Variants in SLC25A21 observed in about 807,000 individuals in gnomAD.
SLC25A21 encodes mitochondrial 2-oxodicarboxylate carrier.
In SLC25A21, 47 loss-of-function variants were observed where a neutral mutation model predicts 43.8. That is an observed-to-expected ratio of 1.07 (90% CI 0.85 to 1.37). The LOEUF (loss-of-function observed/expected upper bound fraction) is 1.37. Among genes scored for constraint, SLC25A21 ranks in the 40% most tolerant of loss-of-function variants. SLC25A21 has a pLI of 0.00. For missense variants in SLC25A21, 352 were observed against 350.2 expected, an observed-to-expected ratio of 1.00 and a Z score of -0.04; for synonymous variants, 131 against 121.3, an observed-to-expected ratio of 1.08 and a Z score of -0.52.
chr14:37,109,213 T>G (rs1273506796), intron 1 of SLC25A21, among the ~76,000 whole-genome samples: 1 of 152,108 alleles, frequency 6.6e-6, no homozygotes, highest in African/African-American at 2.4e-5. Flanking sequence ...GCTTAATAAA[T>G]GCATCAGACT....
chr14:37,134,603 C>G (rs1384923770), intron 1 of SLC25A21, among the ~76,000 whole-genome samples: 1 of 149,616 alleles, frequency 6.7e-6, no homozygotes, highest in African/African-American at 2.5e-5. Flanking sequence ...CATGCTCACT[C>G]CACTGCACTC....
intron 2 of SLC25A21, among the ~76,000 whole-genome samples, chr14:36,860,341 C>A (rs894857304): frequency 6.6e-6 from 1 of 152,148 alleles, no homozygotes; most frequent in Non-Finnish European, 1.5e-5. Context: ...GAAAACACTG[C>A]CTTGGAAACA....
rs1336568362 is a variant in SLC25A21 at position 37,172,423 on chromosome 14, T to C, written c.-73A>G. 2 of 1,468,056 alleles carry C rather than the reference T, an allele frequency of 1.4e-6. No individual in the cohort carries two copies. The highest frequency in any genetic ancestry group is 1.2e-5 in the South Asian group (1 of 82,506). 90.9% of individuals were successfully genotyped at this position (1,468,056 alleles called of 1,614,324 possible). A position where few individuals can be genotyped will look rare whatever the true frequency, so the allele number is the denominator to read the frequency against. The stretch of plus-strand genomic sequence containing the variant: ...GCTCGCAGCCTGCACAGCCTACTGA[T>C]CCAGAGAGCCCCGGCTGGGCTGGTC... On this transcript the variant is annotated 5_prime_UTR_variant, in exon 1 of 10. Coordinates refer to ENST00000331299, the MANE Select transcript of SLC25A21 (RefSeq NM_030631.4).
chr14:37,012,042 G>A (rs1394732747), intron 1 of SLC25A21, among the ~76,000 whole-genome samples: 1 of 152,158 alleles, frequency 6.6e-6, no homozygotes, highest in Non-Finnish European at 1.5e-5. Flanking sequence ...ACCCTGAAAA[G>A]TTCTGTAGGA....
At chr14:36,916,768 G>A (rs1891844381) in intron 1 of SLC25A21, among the ~76,000 whole-genome samples, 1 of 152,004 alleles carries the variant, frequency 6.6e-6, no homozygotes. Context: ...CTACGGCCTA[G>A]ACCCAGCTTT....
intron 3 of SLC25A21, among the ~76,000 whole-genome samples, chr14:36,811,785 C>G (rs1421005243): frequency 2.0e-5 from 3 of 152,142 alleles, no homozygotes; most frequent in African/African-American, 7.2e-5. Flanking sequence ...TTTCTATATA[C>G]CACACTGCAC....
intron 3 of SLC25A21, among the ~76,000 whole-genome samples, chr14:36,750,532 A>G (rs930008871): frequency 1.3e-5 from 2 of 152,202 alleles, no homozygotes; most frequent in Admixed American, 1.3e-4. Flanking sequence ...TGTATGAGAC[A>G]TGAGCAGATG....
Position 36,711,312 on chromosome 14 carries a change from A to G in SLC25A21, c.603+6T>C. 1 of 1,612,410 alleles carries G rather than the reference A, an allele frequency of 6.2e-7. No homozygotes were observed. Among genetic ancestry groups the G allele is most frequent in the Non-Finnish European group, 8.5e-7 (1 of 1,179,168 alleles). On this transcript the variant is annotated splice_donor_region_variant and intron_variant, in intron 7 of 9. Coordinates refer to ENST00000331299, the MANE Select transcript of SLC25A21 (RefSeq NM_030631.4). ...CCTCCAGGATTTTAATTTATTAAAT[A>G]GTTACCTTATTGACAGGAATCATGT...
rs760813051 is a variant in SLC25A21, at chr14:36,711,458, T to G, written c.463A>C (p.Arg155=). The change falls in exon 7 of 10, where the codon AGA becomes CGA. Residue 155 remains arginine (R), a synonymous_variant. Coordinates refer to ENST00000331299, the MANE Select transcript of SLC25A21 (RefSeq NM_030631.4). ...AEQPSTVGYA[R]QIIKKEGWGL... ...CAGCCTTCCTTCTTAATGATTTGTC[T>G]TGCATAACCCACAGTGGATGGTTGC... 2.5e-6 allele frequency: 4 copies of G among 1,613,958 alleles called. No homozygotes were observed. In the Admixed American group the frequency reaches 6.7e-5, roughly 27 times the overall value.
chr14:37,056,380 C>G (rs1284122693), intron 1 of SLC25A21, among the ~76,000 whole-genome samples: 1 of 151,650 alleles, frequency 6.6e-6, no homozygotes, highest in Non-Finnish European at 1.5e-5. Context: ...GTCCCAGCTA[C>G]TCGGGAGGCT....
intron 3 of SLC25A21, 134 bp from the exon 4 acceptor site, chr14:36,734,707 T>C (rs144999749): frequency 4.5e-5 from 30 of 661,120 alleles, no homozygotes; most frequent in African/African-American, 3.3e-4. Context: ...CCTTTCATTC[T>C]AAAATAAAGA....
chr14:36,797,648 A>G (rs186585188), intron 3 of SLC25A21, among the ~76,000 whole-genome samples: 141 of 152,330 alleles, frequency 9.3e-4, no homozygotes, highest in Non-Finnish European at 1.7e-3. Flanking sequence ...GGTTTTACTT[A>G]CTTTAAAACC....
intron 1 of SLC25A21, among the ~76,000 whole-genome samples, chr14:37,024,756 C>T (rs1594757340): frequency 6.6e-6 from 1 of 152,094 alleles, no homozygotes; most frequent in Middle Eastern, 3.4e-3. Context: ...CTCAACAAAG[C>T]AACAGATTAG....
intron 1 of SLC25A21, among the ~76,000 whole-genome samples, chr14:37,077,247 T>C (rs2415379): frequency 0.21 from 32,354 of 152,252 alleles, 7,914 homozygotes; most frequent in African/African-American, 0.59. Flanking sequence ...CAGAAGACTT[T>C]GTATTACTTC....
chr14:36,940,988 T>C (rs1176381082), intron 1 of SLC25A21, among the ~76,000 whole-genome samples: 2 of 152,112 alleles, frequency 1.3e-5, no homozygotes, highest in East Asian at 3.9e-4. Context: ...TTTTTCTTTT[T>C]TTCACACAAA....
intron 1 of SLC25A21, among the ~76,000 whole-genome samples, chr14:36,912,901 T>C (rs74047042): frequency 0.011 from 1,739 of 152,266 alleles, 37 homozygotes; most frequent in African/African-American, 0.039. Context: ...TGTGAGTACC[T>C]TGAGAATAAG....
chr14:36,971,513 A>C (rs1479125879), intron 1 of SLC25A21, among the ~76,000 whole-genome samples: 1 of 151,906 alleles, frequency 6.6e-6, no homozygotes, highest in Admixed American at 6.6e-5. Context: ...TAAATATCAG[A>C]CCTGGTCAAG....
At chr14:37,029,748 T>C (rs1961168364) in intron 1 of SLC25A21, among the ~76,000 whole-genome samples, 1 of 147,264 alleles carries the variant, frequency 6.8e-6, no homozygotes, top group Admixed American at 6.8e-5. Flanking sequence ...ACTTAACTAC[T>C]AATAGCCGAC....
Position 37,038,890 on chromosome 14 carries a change from C to G in SLC25A21, c.70+133391G>C, listed in dbSNP as rs775510732. Among the ~76,000 whole-genome samples the G allele has an allele frequency of 2.6e-5, 4 of 152,166 alleles. No homozygotes were observed. The East Asian group carries it at 7.7e-4, about 29-fold the overall frequency. ...GGGTCTCCTAGCCTGGGTCTTCTAG[C>G]CTCACTGTCATTCATCCACCTCCAT... On this transcript the variant is annotated intron_variant, in intron 1 of 9. Coordinates refer to ENST00000331299, the MANE Select transcript of SLC25A21 (RefSeq NM_030631.4).
Sources: allele counts gnomAD v4.1 joint callset (sites outside exome capture counted in the v4.1 genomes callset), GRCh38; gene constraint gnomAD v4.1.1; transcripts MANE v1.5; gene names NCBI Gene and HGNC (gene_info 2026-07-23, HGNC 2026-07-21).